GLRA3: variants seen among roughly 807,000 people sequenced by gnomAD.
The protein encoded by GLRA3 is glycine receptor subunit alpha-3.
In GLRA3, 44 loss-of-function variants were observed where a neutral mutation model predicts 60.4. That is an observed-to-expected ratio of 0.73 (90% CI 0.57 to 0.94). The LOEUF (loss-of-function observed/expected upper bound fraction) is 0.94. Among genes scored for constraint, GLRA3 ranks in the 40% least tolerant of loss-of-function variants. The probability of loss-of-function intolerance (pLI) is 0.00; values close to 1 mark genes in which losing one functional copy is unlikely to be tolerated. For synonymous variants in GLRA3, 223 were observed against 192.9 expected, an observed-to-expected ratio of 1.16 and a Z score of -1.29; for missense variants, 508 against 564.6, an observed-to-expected ratio of 0.90 and a Z score of 1.02.
intron 7 of GLRA3, among the ~76,000 whole-genome samples, chr4:174,666,761 A>ATATATATATATATATATATATATATAT (rs1561042413): frequency 1.4e-5 from 1 of 72,372 alleles, no homozygotes; most frequent in East Asian, 5.3e-4. Flanking sequence ...TATATATATT[A>ATATATATATATATATATATATATATAT]TATATATATA....
intron 2 of GLRA3, among the ~76,000 whole-genome samples, chr4:174,778,634 C>T (rs992036198): frequency 1.3e-5 from 2 of 152,204 alleles, no homozygotes; most frequent in Non-Finnish European, 2.9e-5. Flanking sequence ...GTGCGCGAGC[C>T]GAAGCAGGGC....
chr4:174,647,751 A>C (rs10004035), intron 9 of GLRA3, among the ~76,000 whole-genome samples: 23,605 of 152,182 alleles, frequency 0.16, 3,571 homozygotes, highest in African/African-American at 0.39. Context: ...TATGTTCCCA[A>C]TATCTTTTCA....
At chr4:174,764,556 C>CAAA (rs370090291) in intron 3 of GLRA3, among the ~76,000 whole-genome samples, 87 of 148,156 alleles carry the variant, frequency 5.9e-4, no homozygotes, top group Middle Eastern at 3.5e-3. Context: ...GACTCCGTCT[C>CAAA]AAAAAAAAAA....
At chr4:174,722,157 G>T (rs1412972564) in intron 4 of GLRA3, among the ~76,000 whole-genome samples, 3 of 152,048 alleles carry the variant, frequency 2.0e-5, no homozygotes, top group East Asian at 3.9e-4. Context: ...GGCCAGCAAG[G>T]GGTCCTGTCA....
At chr4:174,786,500 C>T (rs994564099) in intron 2 of GLRA3, among the ~76,000 whole-genome samples, 3 of 152,082 alleles carry the variant, frequency 2.0e-5, no homozygotes, top group Non-Finnish European at 2.9e-5. Flanking sequence ...TTGTTAGCAC[C>T]TAAATATCCT....
chr4:174,688,318 CATATATATATAT>C (rs553159490), intron 5 of GLRA3, among the ~76,000 whole-genome samples: 1,903 of 34,760 alleles, frequency 0.055, 45 homozygotes, highest in Non-Finnish European at 0.068. Context: ...TACCTGACAT[CATATATATATAT>C]ATATATATAT....
chr4:174,692,692 G>A (rs1282237999), intron 5 of GLRA3, among the ~76,000 whole-genome samples: 2 of 151,448 alleles, frequency 1.3e-5, no homozygotes, highest in African/African-American at 4.9e-5. Context: ...GGGTTAAATG[G>A]ATTAAGGGCG....
chr4:174,774,576 T>C (rs531834974), intron 2 of GLRA3, among the ~76,000 whole-genome samples: 7 of 152,294 alleles, frequency 4.6e-5, no homozygotes, highest in African/African-American at 1.4e-4. Flanking sequence ...ATGCACTACC[T>C]AATTTGAATC....
rs186012440 is a variant in GLRA3 at position 174,721,833 on chromosome 4, G to A, written c.492-6263C>T. On this transcript the variant is annotated intron_variant, in intron 4 of 9. Coordinates refer to ENST00000274093, the MANE Select transcript of GLRA3 (RefSeq NM_006529.4). ...AAAAAATATGTGTGTGTATATATAT[G>A]TGTGTGTATATGTGTGTATACATAT... Among the ~76,000 whole-genome samples, 165 of 151,526 alleles carry A rather than the reference G, an allele frequency of 1.1e-3. 1 individual carries two copies. Among genetic ancestry groups the A allele is most frequent in the African/African-American group, 3.8e-3 (157 of 41,280 alleles).
intron 1 of GLRA3, among the ~76,000 whole-genome samples, chr4:174,805,732 A>G (rs2111353330): frequency 6.6e-6 from 1 of 152,310 alleles, no homozygotes; most frequent in East Asian, 1.9e-4. Flanking sequence ...AAGTTTCTGC[A>G]TAATAATAAA....
chr4:174,672,944 G>T (rs113638697), intron 7 of GLRA3, among the ~76,000 whole-genome samples: 2 of 152,020 alleles, frequency 1.3e-5, no homozygotes, highest in Non-Finnish European at 2.9e-5. Flanking sequence ...GTGTGTGTGT[G>T]CATCTGTTTG....
At chr4:174,670,272 A>G (rs1733855218) in intron 7 of GLRA3, among the ~76,000 whole-genome samples, 1 of 152,102 alleles carries the variant, frequency 6.6e-6, no homozygotes, top group Non-Finnish European at 1.5e-5. Context: ...GTGCTTCTAT[A>G]GCATCATTTT....
chr4:174,826,547 T>C (rs1447902032), intron 1 of GLRA3, among the ~76,000 whole-genome samples: 1 of 152,102 alleles, frequency 6.6e-6, no homozygotes, highest in Non-Finnish European at 1.5e-5. Flanking sequence ...GGAAATGTAT[T>C]ATTTGTGCAC....
chr4:174,645,749 T>C (rs905963992), intron 9 of GLRA3, among the ~76,000 whole-genome samples: 10 of 152,164 alleles, frequency 6.6e-5, no homozygotes, highest in South Asian at 2.1e-4. Context: ...CTCGCAAAAA[T>C]TGAAAATCGA....
chr4:174,753,188 GC>G (rs1737554692), intron 3 of GLRA3, among the ~76,000 whole-genome samples: 3 of 152,140 alleles, frequency 2.0e-5, no homozygotes, highest in Admixed American at 1.3e-4. Context: ...TTGTGGCACA[GC>G]CCCAGGTTCT....
intron 1 of GLRA3, among the ~76,000 whole-genome samples, chr4:174,813,433 G>A (rs949363543): frequency 1.3e-5 from 2 of 152,144 alleles, no homozygotes; most frequent in Non-Finnish European, 2.9e-5. Context: ...CTGCTGCAAT[G>A]AGGCTGGACT....
At chr4:174,808,760 G>T (rs971810729) in intron 1 of GLRA3, among the ~76,000 whole-genome samples, 6 of 151,926 alleles carry the variant, frequency 3.9e-5, no homozygotes, top group Admixed American at 2.6e-4. Context: ...TAATGTGTGT[G>T]CTTGTGTCTT....
intron 5 of GLRA3, among the ~76,000 whole-genome samples, chr4:174,712,210 T>C (rs1296020616): frequency 6.6e-6 from 1 of 152,178 alleles, no homozygotes; most frequent in Non-Finnish European, 1.5e-5. Flanking sequence ...TTAGACAAAG[T>C]AGTCTTTTCT....
In GLRA3 at chr4:174,699,849, T is replaced by C. The variant is rs140184660; in HGVS notation, c.574+15639A>G. On this transcript the variant is annotated intron_variant, in intron 5 of 9. Coordinates refer to ENST00000274093, the MANE Select transcript of GLRA3 (RefSeq NM_006529.4). ...TTATTTGTTAATTATTAATTAATAA[T>C]TAATGCATTAATTATTTAATTAATA... Among the ~76,000 whole-genome samples the C allele has an allele frequency of 8.0e-3, 1,211 of 150,944 alleles. 13 individuals carry two copies. Among genetic ancestry groups the C allele is most frequent in the African/African-American group, 0.027 (1,131 of 41,320 alleles).
Sources: allele counts gnomAD v4.1 joint callset (sites outside exome capture counted in the v4.1 genomes callset), GRCh38; gene constraint gnomAD v4.1.1; transcripts MANE v1.5; gene names NCBI Gene and HGNC (gene_info 2026-07-23, HGNC 2026-07-21).